Variants in RASA2 observed in about 807,000 individuals in gnomAD.
RASA2 encodes the protein ras GTPase-activating protein 2.
Under a neutral mutation model 118.2 loss-of-function variants are expected in RASA2, and 155 were observed. The ratio of observed to expected loss-of-function variants is 1.31; its 90% CI spans 1.15 to 1.50. The LOEUF (loss-of-function observed/expected upper bound fraction) is 1.50. Ranked by LOEUF, RASA2 falls within the 40% of genes most tolerant of loss-of-function variation. The pLI is 0.00. For missense variants in RASA2, 1,016 were observed against 1,009.6 expected, an observed-to-expected ratio of 1.01 and a Z score of -0.09; for synonymous variants, 353 against 349.1, an observed-to-expected ratio of 1.01 and a Z score of -0.12.
rs74509360 is a variant in RASA2, at chr3:141,501,867, T to G, written c.134-10296T>G. Among the ~76,000 whole-genome samples, 1,297 of 152,264 alleles carry G rather than the reference T, an allele frequency of 8.5e-3. 19 individuals carry two copies. The highest frequency in any genetic ancestry group is 0.028 in the African/African-American group (1,165 of 41,550). On this transcript the variant is annotated intron_variant, in intron 1 of 23. Coordinates refer to ENST00000286364, the MANE Select transcript of RASA2 (RefSeq NM_006506.5). The stretch of plus-strand genomic sequence containing the variant: ...ATTCATTCTTTCTCACTCTTTTTTT[T>G]TTGTTGTTGTTGTGAATGTAAATGA...
At chr3:141,492,335 C>T (rs2081649454) in intron 1 of RASA2, among the ~76,000 whole-genome samples, 1 of 152,264 alleles carries the variant, frequency 6.6e-6, no homozygotes, top group South Asian at 2.1e-4. Flanking sequence ...AAGTTCTATT[C>T]TCTTTTGAGA....
chr3:141,530,582 G>T (rs953198423), intron 4 of RASA2, among the ~76,000 whole-genome samples: 7 of 152,026 alleles, frequency 4.6e-5, no homozygotes, highest in Admixed American at 1.3e-4. Flanking sequence ...TTGCCACTGT[G>T]ACTCAGAAGT....
intron 5 of RASA2, among the ~76,000 whole-genome samples, chr3:141,552,098 G>A (rs2082583641): frequency 6.6e-6 from 1 of 152,134 alleles, no homozygotes; most frequent in Non-Finnish European, 1.5e-5. Context: ...AAAATTAAGA[G>A]TACTGATGAT....
intron 18 of RASA2, 52 bp downstream of exon 18, chr3:141,586,150 T>C (rs1197621329): frequency 6.7e-7 from 1 of 1,484,564 alleles, no homozygotes; most frequent in Non-Finnish European, 9.3e-7. Context: ...AGATATTAAG[T>C]AAGTACAAAG....
At chr3:141,487,280 G>A in intron 1 of RASA2, 64 bp downstream of exon 1, 1 of 1,222,192 alleles carries the variant, frequency 8.2e-7, no homozygotes, top group Non-Finnish European at 1.0e-6. Flanking sequence ...AGGGGGCGGC[G>A]GGTTCGCGGC....
At chr3:141,523,132 ATTT>A (rs200172484) in intron 3 of RASA2, among the ~76,000 whole-genome samples, 1 of 141,206 alleles carries the variant, frequency 7.1e-6, no homozygotes. Context: ...AGATAATCCC[ATTT>A]TTTTTTTTTT....
intron 22 of RASA2, 113 bp downstream of exon 22, chr3:141,609,636 T>C (rs1418184282): frequency 1.5e-5 from 14 of 929,148 alleles, no homozygotes; most frequent in East Asian, 2.9e-5. Flanking sequence ...CAAAATGTTA[T>C]TTATTGAAAG....
At chr3:141,553,648 T>C (rs767909258) in intron 5 of RASA2, among the ~76,000 whole-genome samples, 2 of 152,178 alleles carry the variant, frequency 1.3e-5, no homozygotes, top group African/African-American at 4.8e-5. Flanking sequence ...AGTCTCATTT[T>C]GAAAATACAG....
chr3:141,545,331 C>T (rs1300732921), intron 5 of RASA2, among the ~76,000 whole-genome samples: 1 of 152,066 alleles, frequency 6.6e-6, no homozygotes, highest in African/African-American at 2.4e-5. Flanking sequence ...GCAGGCTGTA[C>T]AGGAAGCATG....
In RASA2 at chr3:141,487,208, G is replaced by C; in HGVS notation, c.125G>C (p.Gly42Ala). ...REVRVLQSLR[G>A]KICEAKNLLP... is the part of the protein sequence containing the mutation. Reference sequence around the variant, plus strand: ...GTTCGAGTGTTGCAGAGCCTGCGGGGCAAGATCTGTAAGCGGGGGCTGGGC... The same window carrying C: ...GTTCGAGTGTTGCAGAGCCTGCGGGCCAAGATCTGTAAGCGGGGGCTGGGC... Residue 42 changes from glycine (G) to alanine (A), a missense_variant, in exon 1 of 24, where the codon GGC becomes GCC. Physicochemically the swap from Gly to Ala is moderately conservative, Grantham distance 60. Transcript: ENST00000286364. 7.0e-7 allele frequency: 1 copy of C among 1,435,756 alleles called. No homozygotes were observed. Among genetic ancestry groups the C allele is most frequent in the Non-Finnish European group, 9.2e-7 (1 of 1,082,648 alleles). The allele number at this position is 1,435,756 out of a possible 1,614,324, so 88.9% of individuals were successfully genotyped here. A position where few individuals can be genotyped will look rare whatever the true frequency, so the allele number is the denominator to read the frequency against.
Position 141,524,674 on chromosome 3 carries a change from T to C in RASA2, c.356-5034T>C, listed in dbSNP as rs984178461. Among the ~76,000 whole-genome samples the C allele has an allele frequency of 3.3e-5, 5 of 152,102 alleles. No homozygotes were observed. The South Asian group carries it at 6.2e-4, about 19-fold the overall frequency. On this transcript the variant is annotated intron_variant, in intron 3 of 23. Transcript: ENST00000286364. ...GGCATGATTTCATCTTACTGCAACC[T>C]CTGCCTCCTGGGTTCAAGCAATTCT...
chr3:141,572,759 C>A lies in RASA2; in HGVS notation c.1284+36C>A, dbSNP rs2082944629. 5 of 1,427,164 alleles carry A rather than the reference C, an allele frequency of 3.5e-6. No homozygotes were observed. The South Asian group carries it at 5.0e-5, about 14-fold the overall frequency. The allele number at this position is 1,427,164 out of a possible 1,614,324, so 88.4% of individuals were successfully genotyped here. A position where few individuals can be genotyped will look rare whatever the true frequency, so the allele number is the denominator to read the frequency against. On this transcript the variant is annotated intron_variant, in intron 12 of 23. Coordinates refer to ENST00000286364, the MANE Select transcript of RASA2 (RefSeq NM_006506.5). ...TATCTCCAACAATGATAGTTTGTGG[C>A]CTTATGATAGTTGTTCTTTTATCAA...
At position 141,589,048 on chromosome 3, in the gene RASA2, G is replaced by A. The variant is rs113668210; in HGVS notation, c.1933+2296G>A. On this transcript the variant is annotated intron_variant, in intron 19 of 23. Coordinates refer to ENST00000286364, the MANE Select transcript of RASA2 (RefSeq NM_006506.5). ...GTGGAGACAGGGTTTCACCATGTTG[G>A]CCAGGCTGGTCTTGAACTCCTGACC... Among the ~76,000 whole-genome samples the A allele has an allele frequency of 6.7e-3, 1,020 of 152,146 alleles. 16 individuals are homozygous for A. The highest frequency in any genetic ancestry group is 0.024 in the African/African-American group (976 of 41,482).
chr3:141,547,322 C>A (rs1485465014), intron 5 of RASA2, among the ~76,000 whole-genome samples: 1 of 152,080 alleles, frequency 6.6e-6, no homozygotes, highest in East Asian at 1.9e-4. Context: ...TTGATTCTTC[C>A]AGTCCATGAA....
intron 1 of RASA2, among the ~76,000 whole-genome samples, chr3:141,502,585 G>A (rs139263354): frequency 2.9e-4 from 44 of 152,114 alleles, no homozygotes; most frequent in African/African-American, 9.9e-4. Flanking sequence ...CTCCTGGAAC[G>A]TTATCCTCCG....
chr3:141,546,860 A>G (rs1001552523), intron 5 of RASA2, among the ~76,000 whole-genome samples: 2 of 152,048 alleles, frequency 1.3e-5, no homozygotes, highest in Non-Finnish European at 2.9e-5. Flanking sequence ...ATCCATTTTT[A>G]TTTGATTTTT....
chr3:141,572,029 CATATAT>C (rs10568210), intron 11 of RASA2, among the ~76,000 whole-genome samples: 1,437 of 121,428 alleles, frequency 0.012, 17 homozygotes, highest in African/African-American at 0.033. Flanking sequence ...TTTAAAAAAA[CATATAT>C]ATATATATAT....
At chr3:141,577,990 C>T (rs548105795) in intron 15 of RASA2, among the ~76,000 whole-genome samples, 1 of 151,948 alleles carries the variant, frequency 6.6e-6, no homozygotes, top group Middle Eastern at 3.4e-3. Context: ...TTTTATGTTC[C>T]AAATACTTTA....
At chr3:141,488,616 G>A (rs1193076540) in intron 1 of RASA2, among the ~76,000 whole-genome samples, 2 of 152,200 alleles carry the variant, frequency 1.3e-5, no homozygotes, top group African/African-American at 4.8e-5. Context: ...CAGAGAGGTA[G>A]ATCTTAGTTC....
Sources: gnomAD v4.1 joint callset for allele counts (sites outside exome capture counted in the v4.1 genomes callset) on GRCh38, gnomAD v4.1.1 for gene constraint, MANE v1.5 for transcripts, NCBI Gene and HGNC (gene_info 2026-07-23, HGNC 2026-07-21) for gene names.